LTF: variants seen among roughly 807,000 people sequenced by gnomAD.
LTF encodes epididymis luminal protein 110.
LTF carries 91 observed loss-of-function variants against 87.2 expected under a neutral mutation model. The ratio of observed to expected loss-of-function variants is 1.04; its 90% confidence interval spans 0.88 to 1.24. LTF has a LOEUF of 1.24. Ranked by LOEUF, LTF falls within the 50% of genes most tolerant of loss-of-function variation. The pLI is 0.00. For synonymous variants in LTF, 378 were observed against 356.1 expected, an observed-to-expected ratio of 1.06 and a Z score of -0.69; for missense variants, 901 against 904.3, an observed-to-expected ratio of 1.00 and a Z score of 0.05.
chr3:46,447,363 T>C lies in LTF; in HGVS notation c.1248A>G (p.Gly416=), dbSNP rs2239692. The part of the protein sequence containing the change: ...GEADAMSLDG[G]YVYTAGKCGL... ...CACATTTGCCTGCAGTGTACACATA[T>C]CCTCCATCCAAACTCATGGCATCAG... is the stretch of plus-strand genomic sequence containing the variant. The change falls in exon 10 of 17, where the codon GGA becomes GGG. Residue 416 remains glycine, a synonymous_variant. Coordinates refer to ENST00000231751, the MANE Select transcript of LTF (RefSeq NM_002343.6). 209,283 of 1,613,116 alleles carry C rather than the reference T, an allele frequency of 0.13. 15,268 individuals carry two copies. Among genetic ancestry groups the C allele is most frequent in the South Asian group, 0.25 (22,784 of 91,042 alleles).
At chr3:46,467,031 A>G (rs1703225153), upstream of LTF, among the ~76,000 whole-genome samples, 1 of 152,136 alleles carries the variant, frequency 6.6e-6, no homozygotes, top group South Asian at 2.1e-4. Context: ...TGAAGGCAGC[A>G]TGGGTAGGCA....
At chr3:46,436,503 C>A (rs992096219) in intron 16 of LTF, among the ~76,000 whole-genome samples, 9 of 152,228 alleles carry the variant, frequency 5.9e-5, no homozygotes. Flanking sequence ...AATCGACTGT[C>A]ACATTCTCAA....
Position 46,472,573 on chromosome 3 carries a change from C to T in LTF, c.-319-2107G>A, listed in dbSNP as rs1703308023. Among the ~76,000 whole-genome samples, 4 of 144,656 alleles carry T rather than the reference C, an allele frequency of 2.8e-5. No individual in the cohort carries two copies. The Admixed American group carries it at 2.8e-4, about 10-fold the overall frequency. 94.9% of individuals were successfully genotyped at this position (144,656 alleles called of 152,430 possible). ...GAGAGAGAAGTTCTTGCTCTGTTGC[C>T]CAGGCTGGAGTGCAGTGGCACAGTA... On this transcript the variant is annotated intron_variant, in intron 1 of 19. Transcript: ENST00000443496.
At chr3:46,441,299 T>A (rs973623172) in intron 14 of LTF, 117 bp downstream of exon 14, 1 of 753,148 alleles carries the variant, frequency 1.3e-6, no homozygotes, top group African/African-American at 1.8e-5. Context: ...TGGAGTTCTT[T>A]TAATCACAAA....
chr3:46,484,732 A>G (rs755687163), intron 1 of LTF, among the ~76,000 whole-genome samples: 7 of 152,204 alleles, frequency 4.6e-5, no homozygotes, highest in Non-Finnish European at 8.8e-5. Context: ...TGAAAAATGA[A>G]GTCAGACATT....
At chr3:46,445,467 T>C in intron 11 of LTF, 31 bp from the exon 12 acceptor site, 1 of 1,590,534 alleles carries the variant, frequency 6.3e-7, no homozygotes, top group Non-Finnish European at 8.6e-7. Flanking sequence ...AAAACAAGTC[T>C]TAACCTCCAG....
upstream of LTF, among the ~76,000 whole-genome samples, chr3:46,467,212 GCATT>G (rs10663529): frequency 2.9e-3 from 438 of 150,236 alleles, 1 homozygote; most frequent in African/African-American, 0.01. Flanking sequence ...TCTATTAACA[GCATT>G]CATTCATTCA....
At position 46,445,452 on chromosome 3, in the gene LTF, A is replaced by T. The variant is rs369679423; in HGVS notation, c.1358-16T>A. ...GCAAGATATCCTGGCATAACAGATG[A>T]CAGAAAAACAAGTCTTAACCTCCAG... On this transcript the variant is annotated splice_polypyrimidine_tract_variant and intron_variant, in intron 11 of 16. Coordinates refer to ENST00000231751, the MANE Select transcript of LTF (RefSeq NM_002343.6). The T allele has an allele frequency of 2.5e-6, 4 of 1,604,670 alleles. No homozygotes were observed. In the African/African-American group the frequency reaches 5.4e-5, roughly 21 times the overall value.
chr3:46,455,340 G>T lies in LTF; in HGVS notation c.602C>A (p.Ala201Asp). Residue 201 changes from alanine to aspartate, a missense_variant, in exon 5 of 17, where the codon GCC (alanine) becomes GAC (aspartate). By Grantham distance (126) the Ala-to-Asp change is moderately radical (BLOSUM62 -2). Transcript: ENST00000231751. ...LCAGTGENKCAFSSQEPYFSY... is the reference protein window; with the variant it reads ...LCAGTGENKCDFSSQEPYFSY... ...GAAGTACGGTTCCTGGGAGGAGAAG[G>T]CACATTTGTTTTCCCCTGTCCCCGC... 1 of 1,614,212 alleles carries T rather than the reference G, an allele frequency of 6.2e-7. No individual in the cohort carries two copies. The highest frequency in any genetic ancestry group is 8.5e-7 in the Non-Finnish European group (1 of 1,180,032).
intron 1 of LTF, among the ~76,000 whole-genome samples, chr3:46,480,424 G>T (rs1239211813): frequency 1.3e-5 from 2 of 152,144 alleles, no homozygotes; most frequent in Non-Finnish European, 2.9e-5. Context: ...GTGATGGATT[G>T]TCATGCCCTT....
At chr3:46,441,714 G>C (rs1026494057) in intron 13 of LTF, 7 of 462,832 alleles carry the variant, frequency 1.5e-5, no homozygotes, top group African/African-American at 1.4e-4. Context: ...AAAGATATGC[G>C]ACCCAGGAAA....
intron 2 of LTF, among the ~76,000 whole-genome samples, chr3:46,457,974 T>G (rs1702981040): frequency 6.6e-6 from 1 of 151,124 alleles, no homozygotes; most frequent in African/African-American, 2.4e-5. Context: ...TTAGTAGAGA[T>G]GGGGTTTCAC....
intron 1 of LTF, among the ~76,000 whole-genome samples, chr3:46,463,145 A>G (rs1703126692): frequency 6.6e-6 from 1 of 152,024 alleles, no homozygotes. Context: ...CCCCTCCAAA[A>G]TCTTCAACCC....
In LTF at chr3:46,442,097, A is replaced by G. The variant is rs569670268; in HGVS notation, c.1656-614T>C. Among the ~76,000 whole-genome samples, 58 of 152,088 alleles carry G rather than the reference A, an allele frequency of 3.8e-4. 1 individual carries two copies. Among genetic ancestry groups the G allele is most frequent in the African/African-American group, 1.3e-3 (55 of 41,458 alleles). On this transcript the variant is annotated intron_variant, in intron 13 of 16. Transcript: ENST00000231751. ...AGCAAATAAGAAAAGACATTTATGA[A>G]CTCCAGAGTAAACAAAAAGTTTGTA...
In LTF at chr3:46,476,257, C is replaced by G. The variant is rs536328111; in HGVS notation, c.-319-5791G>C. On this transcript the variant is annotated intron_variant, in intron 1 of 19. Transcript: ENST00000443496. ...AGCATCCGGGTCTTGTTCCTGATCT[C>G]AGAAGGCAAGCTTTCAACATTGTCC... Among the ~76,000 whole-genome samples, 9 of 152,302 alleles carry G rather than the reference C, an allele frequency of 5.9e-5. No homozygotes were observed. In the East Asian group the frequency reaches 1.5e-3, roughly 26 times the overall value.
intron 1 of LTF, chr3:46,460,527 C>T (rs1389805402): frequency 1.3e-5 from 6 of 452,814 alleles, no homozygotes; most frequent in Admixed American, 4.8e-5. Flanking sequence ...TGCTCAAATC[C>T]ATGTAATTAG....
intron 6 of LTF, among the ~76,000 whole-genome samples, chr3:46,452,750 C>G (rs1289261588): frequency 6.6e-6 from 1 of 152,150 alleles, no homozygotes; most frequent in African/African-American, 2.4e-5. Flanking sequence ...GAATTGGCTT[C>G]ACATATGGCA....
In LTF at chr3:46,459,734, C is replaced by A. The variant is rs996295966; in HGVS notation, c.129G>T (p.Arg43Ser). 15 of 1,583,450 alleles carry A rather than the reference C, an allele frequency of 9.5e-6. No individual in the cohort carries two copies. Among genetic ancestry groups the A allele is most frequent in the Admixed American group, 1.8e-5 (1 of 55,280 alleles). ...GAGGGCCACGCACTTTTCTCATATT[C>A]CTTTGCCATTGGAAGCATTTTGTGG... ...PEATKCFQWQ[R>S]NMRKVRGPPV... Residue 43 changes from arginine (R) to serine (S), a missense_variant, in exon 2 of 17, where the codon AGG (arginine) becomes AGT (serine). Physicochemically the swap from Arg to Ser is moderately radical, Grantham distance 110. Transcript: ENST00000231751.
upstream of LTF, chr3:46,468,192 G>C: frequency 2.2e-6 from 1 of 456,732 alleles, no homozygotes; most frequent in South Asian, 1.5e-5. Flanking sequence ...GGATAGTGAG[G>C]GTCAGGGCTG....
Sources: allele counts gnomAD v4.1 joint callset (sites outside exome capture counted in the v4.1 genomes callset), GRCh38; gene constraint gnomAD v4.1.1; transcripts MANE v1.5; gene names NCBI Gene and HGNC (gene_info 2026-07-23, HGNC 2026-07-21).